Variants in CNOT3 observed in about 807,000 individuals in gnomAD.
CNOT3 encodes the protein CCR4-NOT transcription complex subunit 3.
In CNOT3, 2 loss-of-function variants were observed where a neutral mutation model predicts 89.4. That is an observed-to-expected ratio of 0.02 (90% CI 0.01 to 0.07). CNOT3 has a LOEUF of 0.07. CNOT3 is among the 10% of genes least tolerant of loss of function. The pLI is 1.00. For synonymous variants in CNOT3, 486 were observed against 402.0 expected, an observed-to-expected ratio of 1.21 and a Z score of -2.50; for missense variants, 664 against 1,010.2, an observed-to-expected ratio of 0.66 and a Z score of 4.65.
intron 13 of CNOT3, among the ~76,000 whole-genome samples, chr19:54,150,162 C>T (rs587768776): frequency 1.3e-5 from 2 of 152,254 alleles, no homozygotes; most frequent in East Asian, 1.9e-4. Context: ...AGCCTGGTTC[C>T]ACCCTTTAGG....
chr19:54,154,706 C>T (rs1235503901), intron 17 of CNOT3: 1 of 153,500 alleles, frequency 6.5e-6, no homozygotes, highest in East Asian at 1.9e-4. Flanking sequence ...GCACTTAAGA[C>T]ATTCATTTAG....
intron 9 of CNOT3, among the ~76,000 whole-genome samples, chr19:54,146,285 C>T (rs1406771466): frequency 6.6e-6 from 1 of 152,150 alleles, no homozygotes. Context: ...TGGGAGGGGC[C>T]GGTGCCTGGG....
chr19:54,144,350 G>T lies in CNOT3; in HGVS notation c.483+18G>T, dbSNP rs36632. 1.3e-6 allele frequency: 2 copies of T among 1,588,056 alleles called. No homozygotes were observed. The highest frequency in any genetic ancestry group is 1.7e-5 in the Admixed American group (1 of 59,840). On this transcript the variant is annotated intron_variant, in intron 7 of 17. Coordinates refer to ENST00000221232, the MANE Select transcript of CNOT3 (RefSeq NM_014516.4). This position sits in a 1 kb window ranked among gnomAD's most constrained non-coding sequence, Gnocchi z 4.8. The stretch of plus-strand genomic sequence containing the variant: ...ACAAGGATGTGAGTGAGGGAGACCC[G>T]ACACCTTTGGGATGGGGATGGGCAT...
At chr19:54,146,176 C>T (rs768510040) in intron 9 of CNOT3, 133 bp downstream of exon 9, 52 of 957,526 alleles carry the variant, frequency 5.4e-5, no homozygotes, top group Non-Finnish European at 7.6e-5. Context: ...AGGGTCTAGG[C>T]TCTTGGAGCA....
Position 54,155,498 on chromosome 19 carries a change from C to T in CNOT3, c.*91C>T. ...CTGCCCTGGAAGACTGGAGGGAGGCCCCAAGCCACGGGGCATCCCCCTCTC... is the reference window on the plus strand; with the variant it reads ...CTGCCCTGGAAGACTGGAGGGAGGCTCCAAGCCACGGGGCATCCCCCTCTC... On this transcript the variant is annotated 3_prime_UTR_variant, in exon 18 of 18. Coordinates refer to ENST00000221232, the MANE Select transcript of CNOT3 (RefSeq NM_014516.4). The T allele has an allele frequency of 1.0e-6, 1 of 997,610 alleles. No individual in the cohort carries two copies. The highest frequency in any genetic ancestry group is 1.5e-6 in the Non-Finnish European group (1 of 679,112). The allele number at this position is 997,610 out of a possible 1,614,324, so 61.8% of individuals were successfully genotyped here. A position where few individuals can be genotyped will look rare whatever the true frequency, so the allele number is the denominator to read the frequency against.
chr19:54,140,677 G>A (rs1167077505), intron 1 of CNOT3, among the ~76,000 whole-genome samples: 2 of 152,156 alleles, frequency 1.3e-5, no homozygotes, highest in Admixed American at 1.3e-4. Context: ...TCTCTGTGGA[G>A]GAGCTGCCTC....
At position 54,153,415 on chromosome 19, in the gene CNOT3, C is replaced by T. The variant is rs1425630108; in HGVS notation, c.2038-300C>T. The stretch of plus-strand genomic sequence containing the variant: ...CCCAGTGAGTCATGAGTGACCTCCA[C>T]CCTCATCCCCACTTGGGAAATTTTC... On this transcript the variant is annotated intron_variant, in intron 16 of 17. Transcript: ENST00000221232. 4 of 771,686 alleles carry T rather than the reference C, an allele frequency of 5.2e-6. No homozygotes were observed. The East Asian group carries it at 7.4e-5, about 14-fold the overall frequency. 47.8% of individuals were successfully genotyped at this position (771,686 alleles called of 1,614,324 possible). A position where few individuals can be genotyped will look rare whatever the true frequency, so the allele number is the denominator to read the frequency against.
chr19:54,141,432 T>G (rs1411059627), intron 1 of CNOT3: 1 of 152,190 alleles, frequency 6.6e-6, no homozygotes, highest in African/African-American at 2.4e-5. Context: ...GCCCTGTCCT[T>G]TGTGGGCTTC....
Position 54,148,824 on chromosome 19 carries a change from T to G in CNOT3, c.1406+81T>G. ...CGCAGGCGCCTCACCCCCGCATCGG[T>G]GGGTTCTGAACCCCCCGCCCTTGCT... On this transcript the variant is annotated intron_variant, in intron 12 of 17. Coordinates refer to ENST00000221232, the MANE Select transcript of CNOT3 (RefSeq NM_014516.4). The surrounding 1 kb of genome is among the most constrained non-coding windows in gnomAD (Gnocchi z 6.3). The G allele has an allele frequency of 1.4e-6, 2 of 1,408,092 alleles. No individual in the cohort carries two copies. The highest frequency in any genetic ancestry group is 9.7e-7 in the Non-Finnish European group (1 of 1,029,954). The allele number at this position is 1,408,092 out of a possible 1,614,324, so 87.2% of individuals were successfully genotyped here.
At chr19:54,142,435 C>CACACACACACACACAT (rs1391280258) in intron 1 of CNOT3, 1 of 208,876 alleles carries the variant, frequency 4.8e-6, no homozygotes, top group Non-Finnish European at 9.7e-6. Context: ...CTACAGCTTA[C>CACACACACACACACAT]ACACACACAC....
intron 3 of CNOT3, 45 bp from the exon 4 acceptor site, chr19:54,143,397 G>A: frequency 1.9e-6 from 3 of 1,591,920 alleles, no homozygotes; most frequent in Non-Finnish European, 2.6e-6. Flanking sequence ...TGGGTACTGG[G>A]ACATCCCCTC....
chr19:54,140,910 A>G (rs2074423481), intron 1 of CNOT3, among the ~76,000 whole-genome samples: 1 of 152,098 alleles, frequency 6.6e-6, no homozygotes, highest in African/African-American at 2.4e-5. Flanking sequence ...TCACCTGCCT[A>G]AGGTGTTGAT....
At chr19:54,147,893 T>C (rs956583203) in intron 10 of CNOT3, among the ~76,000 whole-genome samples, 2 of 152,000 alleles carry the variant, frequency 1.3e-5, no homozygotes, top group South Asian at 2.1e-4. Flanking sequence ...CCTGTGGGGG[T>C]GTCCATGGGG....
rs757433086 is a variant in CNOT3 at position 54,144,224 on chromosome 19, C to T, written c.388-13C>T. ...CCTAGCTGATGGGCTTCCTCTTCCT[C>T]TCCCTCCCCTAGAATACCATCGACA... On this transcript the variant is annotated splice_polypyrimidine_tract_variant and intron_variant, in intron 6 of 17. Transcript: ENST00000221232. The surrounding 1 kb of genome is among the most constrained non-coding windows in gnomAD (Gnocchi z 4.8). The T allele has an allele frequency of 1.6e-5, 26 of 1,613,748 alleles. No homozygotes were observed. Among genetic ancestry groups the T allele is most frequent in the East Asian group, 1.1e-4 (5 of 44,876 alleles).
Position 54,140,441 on chromosome 19 carries a change from G to C in CNOT3, c.-51+2448G>C, listed in dbSNP as rs587725173. Among the ~76,000 whole-genome samples, 5 of 152,222 alleles carry C rather than the reference G, an allele frequency of 3.3e-5. No homozygotes were observed. The South Asian group carries it at 8.3e-4, about 25-fold the overall frequency. ...CCTTCCTTGGAGGATCTTGGTGGAT[G>C]CCCCCCTGACTACAGCAAATGGGGC... On this transcript the variant is annotated intron_variant, in intron 1 of 17. Coordinates refer to ENST00000221232, the MANE Select transcript of CNOT3 (RefSeq NM_014516.4).
intron 13 of CNOT3, among the ~76,000 whole-genome samples, chr19:54,150,599 GCCCAGGC>G (rs2075028367): frequency 8.8e-6 from 1 of 113,238 alleles, no homozygotes; most frequent in Non-Finnish European, 1.9e-5. Flanking sequence ...CAGTGTGCGC[GCCCAGGC>G]TGTCCAGGAG....
At chr19:54,147,490 G>A (rs889294846) in intron 10 of CNOT3, among the ~76,000 whole-genome samples, 7 of 152,338 alleles carry the variant, frequency 4.6e-5, no homozygotes, top group Admixed American at 2.0e-4. Context: ...GCCAAGCAGC[G>A]ATGCCCAGGA....
chr19:54,144,833 G>T lies in CNOT3; in HGVS notation c.483+501G>T, dbSNP rs1249197632. Reference sequence around the variant, plus strand: ...TCTAAAATCCGGGATTGTGGGGTATGAGTTCAAAGGGATACAAACTGTACA... The same window carrying T: ...TCTAAAATCCGGGATTGTGGGGTATTAGTTCAAAGGGATACAAACTGTACA... On this transcript the variant is annotated intron_variant, in intron 7 of 17. Transcript: ENST00000221232. The surrounding 1 kb of genome is among the most constrained non-coding windows in gnomAD (Gnocchi z 4.8). Among the ~76,000 whole-genome samples, 1 of 152,132 alleles carries T rather than the reference G, an allele frequency of 6.6e-6. No individual in the cohort carries two copies. The highest frequency in any genetic ancestry group is 1.5e-5 in the Non-Finnish European group (1 of 68,012).
intron 3 of CNOT3, 113 bp downstream of exon 3, chr19:54,143,299 G>A: frequency 9.4e-7 from 1 of 1,060,866 alleles, no homozygotes. Flanking sequence ...CAGATGCTGA[G>A]GACCTAAGAG....
Sources: gnomAD v4.1 joint callset for allele counts (sites outside exome capture counted in the v4.1 genomes callset) on GRCh38, gnomAD v4.1.1 for gene constraint, Gnocchi (gnomAD v3.1) non-coding constraint, MANE v1.5 for transcripts, NCBI Gene and HGNC (gene_info 2026-07-23, HGNC 2026-07-21) for gene names.